Variants in PCDHA5 observed in about 807,000 individuals in gnomAD.
PCDHA5 encodes the protein protocadherin alpha 5.
A neutral mutation model predicts 61.6 loss-of-function variants in PCDHA5; 43 were observed. The observed-to-expected ratio is 0.70, with a 90% CI of 0.55 to 0.90. The LOEUF (loss-of-function observed/expected upper bound fraction) is 0.90. PCDHA5 is among the 40% of genes least tolerant of loss of function. The pLI is 0.00. For synonymous variants in PCDHA5, 627 were observed against 543.9 expected, an observed-to-expected ratio of 1.15 and a Z score of -2.13; for missense variants, 1,298 against 1,222.7, an observed-to-expected ratio of 1.06 and a Z score of -0.92.
At chr5:140,960,762 A>G (rs1164322988) in intron 1 of PCDHA5, among the ~76,000 whole-genome samples, 5 of 152,214 alleles carry the variant, frequency 3.3e-5, no homozygotes, top group Non-Finnish European at 7.3e-5. Flanking sequence ...CCCAAGAGTT[A>G]CAGAGGAGAA....
chr5:140,868,478 A>AT (rs1444050987), intron 1 of PCDHA5: 1 of 152,364 alleles, frequency 6.6e-6, no homozygotes, highest in Admixed American at 6.5e-5. Context: ...TAAAACTTCA[A>AT]TTTTTTCTTT....
At chr5:140,873,204 T>TAAAAG (rs2054159059) in intron 1 of PCDHA5, among the ~76,000 whole-genome samples, 1 of 152,168 alleles carries the variant, frequency 6.6e-6, no homozygotes, top group Non-Finnish European at 1.5e-5. Flanking sequence ...AAAACATTCT[T>TAAAAG]TAAGTATTAA....
In PCDHA5 at chr5:140,993,861, T is replaced by G. The variant is rs143253452; in HGVS notation, c.2500+11298T>G. 3.2e-4 allele frequency among the ~76,000 whole-genome samples: 49 copies of G among 152,356 alleles called. No homozygotes were observed. In the East Asian group the frequency reaches 9.4e-3, roughly 29 times the overall value. On this transcript the variant is annotated intron_variant, in intron 3 of 3. Transcript: ENST00000529859. ...TAGGTATGTAGTAGGCTATGCCATC[T>G]AGGTTTGTGTAAGTACGCTCTATGA... is the stretch of plus-strand genomic sequence containing the variant.
chr5:140,836,128 C>T (rs2150253454), intron 1 of PCDHA5: 10 of 1,613,624 alleles, frequency 6.2e-6, no homozygotes, highest in South Asian at 1.1e-5. Flanking sequence ...GAGCTTGTGC[C>T]GCGGTCTGTG....
At chr5:140,966,622 G>C in intron 1 of PCDHA5, 1 of 854,486 alleles carries the variant, frequency 1.2e-6, no homozygotes, top group Non-Finnish European at 1.6e-6. Flanking sequence ...TACGGAGGGA[G>C]CGGCCCCAGG....
At chr5:140,941,629 A>G (rs965702759) in intron 1 of PCDHA5, among the ~76,000 whole-genome samples, 12 of 151,584 alleles carry the variant, frequency 7.9e-5, no homozygotes, top group African/African-American at 2.9e-4. Context: ...CTGCTTCTTA[A>G]TTTCTGTCTT....
chr5:140,911,971 C>G (rs1041878022), intron 1 of PCDHA5, among the ~76,000 whole-genome samples: 5 of 152,266 alleles, frequency 3.3e-5, no homozygotes, highest in African/African-American at 1.2e-4. Flanking sequence ...GGAGTATTAA[C>G]TCACATGATC....
intron 3 of PCDHA5, among the ~76,000 whole-genome samples, chr5:141,002,380 G>T (rs1284047266): frequency 2.0e-5 from 3 of 152,196 alleles, no homozygotes; most frequent in Non-Finnish European, 2.9e-5. Context: ...CTGGCTTAGG[G>T]CTCCTGCTGG....
chr5:140,841,767 A>T, intron 1 of PCDHA5: 1 of 1,613,616 alleles, frequency 6.2e-7, no homozygotes, highest in Non-Finnish European at 8.5e-7. Context: ...AGAATGCCAG[A>T]CTCTCGGTTT....
In PCDHA5 at chr5:140,823,576, G is replaced by T. The variant is rs2150127070; in HGVS notation, c.1801G>T (p.Gly601Cys). The change falls in exon 1 of 4, where the codon GGC becomes TGC. Residue 601 changes from glycine to cysteine, a missense_variant. Transcript: ENST00000529859. ...AKVRAVDPDS[G>C]YNAWLSYELQ... ...GGTGCGCGCAGTGGACCCTGATTCG[G>T]GCTACAACGCTTGGCTTTCGTATGA... 2 of 1,613,976 alleles carry T rather than the reference G, an allele frequency of 1.2e-6. No homozygotes were observed. The highest frequency in any genetic ancestry group is 1.7e-6 in the Non-Finnish European group (2 of 1,179,930).
intron 1 of PCDHA5, among the ~76,000 whole-genome samples, chr5:140,910,781 A>G (rs1402088509): frequency 3.9e-5 from 6 of 152,220 alleles, no homozygotes; most frequent in Non-Finnish European, 8.8e-5. Flanking sequence ...AAGCTGCAAC[A>G]TTAAATGCAG....
intron 1 of PCDHA5, chr5:140,870,556 G>A (rs782048917): frequency 8.1e-6 from 13 of 1,614,038 alleles, no homozygotes; most frequent in Middle Eastern, 1.7e-4. Flanking sequence ...GGACGCGCAG[G>A]AGAACGCGCT....
intron 1 of PCDHA5, among the ~76,000 whole-genome samples, chr5:140,931,051 G>A (rs1460771235): frequency 6.6e-6 from 1 of 152,134 alleles, no homozygotes; most frequent in African/African-American, 2.4e-5. Flanking sequence ...AAACTTCAAT[G>A]CTGTGTCTGG....
chr5:140,875,989 A>G (rs782628581), intron 1 of PCDHA5: 1 of 1,613,992 alleles, frequency 6.2e-7, no homozygotes, highest in South Asian at 1.1e-5. Flanking sequence ...CTATGCGTTA[A>G]GTCTAAATGA....
intron 1 of PCDHA5, chr5:140,871,176 G>T: frequency 6.2e-7 from 1 of 1,613,534 alleles, no homozygotes; most frequent in African/African-American, 1.3e-5. Context: ...CAGAGGCTGC[G>T]CTGGTGGATG....
chr5:140,934,688 A>G (rs1554210048), intron 1 of PCDHA5, among the ~76,000 whole-genome samples: 2 of 152,186 alleles, frequency 1.3e-5, no homozygotes, highest in African/African-American at 4.8e-5. Flanking sequence ...CAAAACAATG[A>G]ATTGATTCCT....
At chr5:140,848,167 C>G (rs1554142004) in intron 1 of PCDHA5, 1 of 254,352 alleles carries the variant, frequency 3.9e-6, no homozygotes, top group African/African-American at 2.2e-5. Flanking sequence ...TAAGAAGGCT[C>G]CAGCAAGAGA....
rs868946985 is a variant in PCDHA5, at chr5:140,985,825, T to C, written c.2500+3262T>C. ...CACGATCTCAGCTCACAACAAGCTC[T>C]GCCTCCCGGGTTCATGCCACTCTCC... On this transcript the variant is annotated intron_variant, in intron 3 of 3. Transcript: ENST00000529859. 4.1e-4 allele frequency among the ~76,000 whole-genome samples: 61 copies of C among 148,858 alleles called. 1 individual carries two copies. The highest frequency in any genetic ancestry group is 2.7e-4 in the Admixed American group (4 of 14,688).
intron 1 of PCDHA5, among the ~76,000 whole-genome samples, chr5:140,971,090 T>G (rs1554233007): frequency 1.3e-5 from 2 of 152,204 alleles, no homozygotes. Context: ...TAACAAATTC[T>G]TGTGAAGCCC....
Sources: gnomAD v4.1 joint callset for allele counts (sites outside exome capture counted in the v4.1 genomes callset) on GRCh38, gnomAD v4.1.1 for gene constraint, MANE v1.5 for transcripts, NCBI Gene and HGNC (gene_info 2026-07-23, HGNC 2026-07-21) for gene names.